Variants in SWT1 observed in about 807,000 individuals in gnomAD.
The protein encoded by SWT1 is transcriptional protein SWT1.
A neutral mutation model predicts 107.3 loss-of-function variants in SWT1; 33 were observed. The ratio of observed to expected loss-of-function variants is 0.31; its 90% CI spans 0.23 to 0.41. The LOEUF (loss-of-function observed/expected upper bound fraction) is 0.41, where lower values mean the gene tolerates loss of function less well. Ranked by LOEUF, SWT1 falls within the 10% of genes least tolerant of loss-of-function variation. The pLI, the probability that SWT1 is intolerant of heterozygous loss-of-function variation, is 1.00. For synonymous variants in SWT1, 345 were observed against 348.3 expected, an observed-to-expected ratio of 0.99 and a Z score of 0.11; for missense variants, 898 against 1,028.9, an observed-to-expected ratio of 0.87 and a Z score of 1.74.
intron 16 of SWT1, among the ~76,000 whole-genome samples, chr1:185,254,183 G>A (rs1222226008): frequency 9.0e-6 from 1 of 110,782 alleles, no homozygotes; most frequent in Non-Finnish European, 1.7e-5. Context: ...CGTTTTGCCA[G>A]TATTTTATTG....
chr1:185,187,527 G>A (rs1571449572), intron 9 of SWT1, among the ~76,000 whole-genome samples: 1 of 152,170 alleles, frequency 6.6e-6, no homozygotes. Context: ...TGTTGGCCCT[G>A]TAACAGTGAA....
At position 185,271,372 on chromosome 1, in the gene SWT1, T is replaced by C; in HGVS notation, c.2491T>C (p.Phe831Leu). The C allele has an allele frequency of 6.7e-7, 1 of 1,503,496 alleles. No homozygotes were observed. Among genetic ancestry groups the C allele is most frequent in the African/African-American group, 1.4e-5 (1 of 73,182 alleles). The allele number at this position is 1,503,496 out of a possible 1,614,324, so 93.1% of individuals were successfully genotyped here. The change falls in exon 17 of 19, where the codon TTC becomes CTC. Residue 831 changes from phenylalanine to leucine, a missense_variant. Physicochemically the swap from Phe to Leu is conservative, Grantham distance 22 (BLOSUM62 0). Around this residue, in one of 6 missense-constraint regions of SWT1, gnomAD observed 382 missense variants for 460.0 expected, o/e 0.83. Transcript: ENST00000367500. ...TCAAGATGTTGAGACCCTCTATAAC[T>C]TCCTAATCAAGTATGAGGTATGGGA... is the stretch of plus-strand genomic sequence containing the variant. Reference protein sequence around the residue: ...NYQDVETLYNFLIKYEVNKNV... With the variant: ...NYQDVETLYNLLIKYEVNKNV...
At chr1:185,201,620 T>G (rs1657891429) in intron 10 of SWT1, among the ~76,000 whole-genome samples, 1 of 152,136 alleles carries the variant, frequency 6.6e-6, no homozygotes, top group Non-Finnish European at 1.5e-5. Context: ...GTCGGGTACC[T>G]CAGTTGGAAA....
chr1:185,251,247 T>G (rs188763672), intron 16 of SWT1: 21 of 152,350 alleles, frequency 1.4e-4, no homozygotes, highest in African/African-American at 4.6e-4. Context: ...TTCTTTCTGT[T>G]TTTTCCTTTT....
chr1:185,231,900 C>T (rs908943797), intron 16 of SWT1, among the ~76,000 whole-genome samples, 192 bp downstream of exon 16: 1 of 152,012 alleles, frequency 6.6e-6, no homozygotes, highest in Non-Finnish European at 1.5e-5. Flanking sequence ...TCGTTATGTA[C>T]CAAGATTGTT....
intron 10 of SWT1, among the ~76,000 whole-genome samples, chr1:185,194,875 C>G (rs1317812870): frequency 6.6e-6 from 1 of 152,038 alleles, no homozygotes; most frequent in East Asian, 1.9e-4. Flanking sequence ...GTATTCAAGT[C>G]TACTTCTGTT....
intron 15 of SWT1, among the ~76,000 whole-genome samples, chr1:185,225,900 A>G (rs1005668104): frequency 6.6e-6 from 1 of 152,258 alleles, no homozygotes. Flanking sequence ...GTGCATAAAC[A>G]TAAACTATCT....
At chr1:185,269,381 T>G (rs1663677672) in intron 16 of SWT1, among the ~76,000 whole-genome samples, 1 of 151,502 alleles carries the variant, frequency 6.6e-6, no homozygotes, top group African/African-American at 2.4e-5. Context: ...TTGTTTTTTT[T>G]TTTTTTTGTA....
intron 14 of SWT1, among the ~76,000 whole-genome samples, chr1:185,220,838 C>T (rs1659598823): frequency 6.6e-6 from 1 of 152,176 alleles, no homozygotes; most frequent in African/African-American, 2.4e-5. Flanking sequence ...AGTGAATTGT[C>T]CCTCATTAGC....
At chr1:185,164,006 T>A (rs368785734) in intron 2 of SWT1, among the ~76,000 whole-genome samples, 24 of 152,294 alleles carry the variant, frequency 1.6e-4, no homozygotes, top group African/African-American at 5.8e-4. Flanking sequence ...ATGTATTTTT[T>A]AAATAATCAG....
intron 10 of SWT1, among the ~76,000 whole-genome samples, chr1:185,201,675 A>T (rs1657895513): frequency 6.6e-6 from 1 of 152,204 alleles, no homozygotes. Flanking sequence ...TGGGAGCTGC[A>T]GACTGGAGCT....
chr1:185,215,579 G>T (rs1457511120), intron 14 of SWT1, among the ~76,000 whole-genome samples: 1 of 151,912 alleles, frequency 6.6e-6, no homozygotes, highest in East Asian at 1.9e-4. Context: ...TTGACACAGG[G>T]TTTTACTCTG....
chr1:185,255,734 A>G (rs1205589338), intron 16 of SWT1, among the ~76,000 whole-genome samples: 20 of 146,852 alleles, frequency 1.4e-4, no homozygotes, highest in African/African-American at 5.1e-4. Context: ...CTCTTTATCC[A>G]ATTTGCCAGT....
chr1:185,180,519 A>T, intron 6 of SWT1, 69 bp downstream of exon 6: 1 of 1,114,102 alleles, frequency 9.0e-7, no homozygotes, highest in Non-Finnish European at 1.4e-6. Flanking sequence ...TTAATAAAAA[A>T]TAATGACTGT....
At chr1:185,269,660 C>G (rs577968322) in intron 16 of SWT1, among the ~76,000 whole-genome samples, 6 of 152,234 alleles carry the variant, frequency 3.9e-5, no homozygotes, top group African/African-American at 1.4e-4. Context: ...GACCCAGAGA[C>G]AGTGTTGTAA....
At chr1:185,258,159 T>A (rs1362206433) in intron 16 of SWT1, 1 of 152,150 alleles carries the variant, frequency 6.6e-6, no homozygotes, top group Non-Finnish European at 1.5e-5. Context: ...TATTTCATTA[T>A]TATTGTTATT....
At chr1:185,168,266 A>C in intron 3 of SWT1, 74 bp from the exon 4 acceptor site, 1 of 861,740 alleles carries the variant, frequency 1.2e-6, no homozygotes, top group Non-Finnish European at 1.6e-6. Flanking sequence ...GTGTCAGCCT[A>C]TTCACTATCA....
At chr1:185,284,500 A>G (rs1664833849) in intron 18 of SWT1, among the ~76,000 whole-genome samples, 1 of 152,248 alleles carries the variant, frequency 6.6e-6, no homozygotes, top group African/African-American at 2.4e-5. Context: ...TAAAGAGTTT[A>G]CTTGAGCCAG....
At chr1:185,273,045 G>C (rs567539384) in intron 17 of SWT1, among the ~76,000 whole-genome samples, 34 of 151,516 alleles carry the variant, frequency 2.2e-4, no homozygotes, top group Admixed American at 6.6e-5. Flanking sequence ...AAAAAAAAAG[G>C]GGGAGGGGAT....
Sources: allele counts gnomAD v4.1 joint callset (sites outside exome capture counted in the v4.1 genomes callset), GRCh38; gene constraint gnomAD v4.1.1; regional missense constraint gnomAD v4.1.1; transcripts MANE v1.5; gene names NCBI Gene and HGNC (gene_info 2026-07-23, HGNC 2026-07-21).